The following ATP13A1 variants were observed in gnomAD, a reference collection of about 807,000 sequenced individuals.
The protein encoded by ATP13A1 is endoplasmic reticulum transmembrane helix translocase.
In ATP13A1, 55 loss-of-function variants were observed where a neutral mutation model predicts 134.8. The ratio of observed to expected loss-of-function variants is 0.41; its 90% CI spans 0.33 to 0.51. ATP13A1 has a LOEUF of 0.51. ATP13A1 is among the 20% of genes least tolerant of loss of function. ATP13A1 has a pLI of 0.29. For missense variants in ATP13A1, 1,389 were observed against 1,652.8 expected (o/e 0.84, Z 2.77); for synonymous variants, 775 against 725.1 (o/e 1.07, Z -1.10).
rs1189720255 is a variant in ATP13A1, at chr19:19,653,657, C to G, written c.2100+127G>C. The G allele has an allele frequency of 1.1e-6, 1 of 884,806 alleles. No homozygotes were observed. Among genetic ancestry groups the G allele is most frequent in the East Asian group, 2.6e-5 (1 of 37,820 alleles). 54.8% of individuals were successfully genotyped at this position (884,806 alleles called of 1,614,324 possible). ...CATTTGGAGTCTCCAAAGGTAGAAG[C>G]TGGAGGCGGGGCAAGGAGGACAAAA... On this transcript the variant is annotated intron_variant, in intron 15 of 25. Transcript: ENST00000357324. The surrounding 1 kb of genome is among the most constrained non-coding windows in gnomAD (Gnocchi z 4.2).
chr19:19,646,449 T>C, intron 22 of ATP13A1, 102 bp from the exon 23 acceptor site: 2 of 1,382,674 alleles, frequency 1.4e-6, no homozygotes, highest in African/African-American at 1.4e-5. Context: ...GGAGACCTTG[T>C]GTACAGCCAC....
In ATP13A1 at chr19:19,649,827, C is replaced by A. The variant is rs1484121654; in HGVS notation, c.2449G>T (p.Ala817Ser). Residue 817 changes from alanine (A) to serine (S), a missense_variant, in exon 18 of 26, where the codon GCC becomes TCC. Physicochemically the swap from Ala to Ser is moderately conservative, Grantham distance 99. Transcript: ENST00000357324. ...YALCLTGDGL[A>S]HLQATDPQQL... ...TGGGGGTCGGTGGCCTGCAGGTGGGCCAAGCCGTCGCCTGTGAGGCACAGT... is the reference window on the plus strand; with the variant it reads ...TGGGGGTCGGTGGCCTGCAGGTGGGACAAGCCGTCGCCTGTGAGGCACAGT... The A allele has an allele frequency of 1.2e-6, 2 of 1,602,378 alleles. No homozygotes were observed. Among genetic ancestry groups the A allele is most frequent in the African/African-American group, 1.3e-5 (1 of 74,806 alleles).
At position 19,655,660 on chromosome 19, in the gene ATP13A1, G is replaced by A. The variant is rs765981363; in HGVS notation, c.1270-6C>T. 4 of 1,611,610 alleles carry A rather than the reference G, an allele frequency of 2.5e-6. No individual in the cohort carries two copies. Among genetic ancestry groups the A allele is most frequent in the African/African-American group, 2.7e-5 (2 of 74,902 alleles). On this transcript the variant is annotated splice_region_variant and splice_polypyrimidine_tract_variant and intron_variant, in intron 9 of 25. Transcript: ENST00000357324. This position sits in a 1 kb window ranked among gnomAD's most constrained non-coding sequence, Gnocchi z 5.7. ...ATGGTGCGCAGCAGCTTGCCCTGGA[G>A]GAATGGAGGAACAGCCTTTCTGCTG... is the stretch of plus-strand genomic sequence containing the variant.
chr19:19,646,819 T>C (rs1169237344), intron 22 of ATP13A1: 2 of 445,884 alleles, frequency 4.5e-6, no homozygotes, highest in Non-Finnish European at 8.1e-6. Context: ...GCCTGTCCTG[T>C]GTAGCCTATG....
At chr19:19,657,747 G>A (rs1024928643) in intron 3 of ATP13A1, among the ~76,000 whole-genome samples, 2 of 152,224 alleles carry the variant, frequency 1.3e-5, no homozygotes, top group African/African-American at 4.8e-5. Context: ...ACAGCAAGTA[G>A]AGAAGGAACC....
Position 19,654,048 on chromosome 19 carries a change from G to A in ATP13A1, c.1910C>T (p.Ala637Val). The change falls in exon 14 of 26, where the codon GCC (alanine) becomes GTC (valine). Residue 637 changes from alanine to valine, a missense_variant. Transcript: ENST00000357324. ...GGTGGAGCCCAGCTTCTCATACGAG[G>A]CAAGCACGGACATTCGCTTCAGGGC... ...ASALKRMSVL[A>V]SYEKLGSTDL... The A allele has an allele frequency of 1.3e-6, 2 of 1,597,164 alleles. No individual in the cohort carries two copies. Among genetic ancestry groups the A allele is most frequent in the Middle Eastern group, 1.7e-4 (1 of 5,992 alleles).
chr19:19,652,790 T>C, intron 15 of ATP13A1, 70 bp from the exon 16 acceptor site: 1 of 1,450,574 alleles, frequency 6.9e-7, no homozygotes, highest in Non-Finnish European at 9.2e-7. Flanking sequence ...TCCTGAGCTC[T>C]GACCATGCGC....
At chr19:19,652,853 G>A in intron 15 of ATP13A1, 133 bp from the exon 16 acceptor site, 2 of 1,266,262 alleles carry the variant, frequency 1.6e-6, no homozygotes, top group Non-Finnish European at 2.1e-6. Flanking sequence ...GCACATGCGA[G>A]GGTTGGGAGG....
At chr19:19,657,234 G>C in intron 4 of ATP13A1, 85 bp from the exon 5 acceptor site, 1 of 1,488,706 alleles carries the variant, frequency 6.7e-7, no homozygotes, top group Non-Finnish European at 9.0e-7. Flanking sequence ...ATATGTGAGG[G>C]TGGGGAGAGG....
chr19:19,659,981 C>A lies in ATP13A1; in HGVS notation c.403G>T (p.Asp135Tyr), dbSNP rs200481862. 1.3e-6 allele frequency: 2 copies of A among 1,568,350 alleles called. No individual in the cohort carries two copies. The highest frequency in any genetic ancestry group is 2.3e-5 in the South Asian group (2 of 85,120). Residue 135 changes from aspartate (D) to tyrosine (Y), a missense_variant, in exon 2 of 26, where the codon GAC (aspartate) becomes TAC (tyrosine). Physicochemically the swap from Asp to Tyr is radical, Grantham distance 160 (BLOSUM62 -3). Coordinates refer to ENST00000357324, the MANE Select transcript of ATP13A1 (RefSeq NM_020410.3). ...TTCACAAAGGTCGCTTTGCTGGGGTCGTACTCCTGACAGAGACAAAGAAAG... is the reference window on the plus strand; with the variant it reads ...TTCACAAAGGTCGCTTTGCTGGGGTAGTACTCCTGACAGAGACAAAGAAAG... ...HCALTCTPEY[D>Y]PSKATFVKVV...
At chr19:19,651,410 T>C (rs752754689) in intron 17 of ATP13A1, 5 of 312,224 alleles carry the variant, frequency 1.6e-5, no homozygotes, top group South Asian at 1.5e-4. Flanking sequence ...GTAGGAGCAG[T>C]ATCTGCCCAT....
intron 2 of ATP13A1, 40 bp downstream of exon 2, chr19:19,659,858 C>T: frequency 6.3e-7 from 1 of 1,591,622 alleles, no homozygotes; most frequent in Non-Finnish European, 8.6e-7. Flanking sequence ...GGGAATCCTA[C>T]TCAAGCCCCT....
chr19:19,654,537 C>T lies in ATP13A1; in HGVS notation c.1813+6G>A, dbSNP rs747009159. 1 of 1,600,068 alleles carries T rather than the reference C, an allele frequency of 6.2e-7. No individual in the cohort carries two copies. Among genetic ancestry groups the T allele is most frequent in the Non-Finnish European group, 8.5e-7 (1 of 1,173,494 alleles). On this transcript the variant is annotated splice_donor_region_variant and intron_variant, in intron 13 of 25. Coordinates refer to ENST00000357324, the MANE Select transcript of ATP13A1 (RefSeq NM_020410.3). ...CCTTGCTGGGCCTGAGGCCCCAGCC[C>T]CTCACCTTTGGTCAGCGTCCAGTCC...
chr19:19,658,293 T>C (rs2062072746), intron 3 of ATP13A1, among the ~76,000 whole-genome samples: 1 of 152,030 alleles, frequency 6.6e-6, no homozygotes, highest in Non-Finnish European at 1.5e-5. Context: ...GCCCTTTAAC[T>C]GCATGGACGT....
At chr19:19,651,837 G>A (rs773023450) in intron 16 of ATP13A1, 40 bp from the exon 17 acceptor site, 1 of 1,519,396 alleles carries the variant, frequency 6.6e-7, no homozygotes, top group South Asian at 1.1e-5. Flanking sequence ...TGGCACCCTG[G>A]GGCCAAGCTC....
rs750895008 is a variant in ATP13A1 at position 19,654,607 on chromosome 19, G to A, written c.1749C>T (p.Gly583=). Residue 583 remains glycine, a synonymous_variant, in exon 13 of 26, where the codon GGC becomes GGT. Transcript: ENST00000357324. ...SCHSLMQLDD[G]TLVGDPLEKA... is the part of the protein sequence containing the mutation. Reference sequence around the variant, plus strand: ...TCTCTAGAGGGTCACCCACGAGGGTGCCGTCGTCCAGCTGCATGAGCGAGT... The same window carrying A: ...TCTCTAGAGGGTCACCCACGAGGGTACCGTCGTCCAGCTGCATGAGCGAGT... 6 of 1,613,418 alleles carry A rather than the reference G, an allele frequency of 3.7e-6. No homozygotes were observed. The highest frequency in any genetic ancestry group is 5.1e-6 in the Non-Finnish European group (6 of 1,179,864).
Position 19,656,118 on chromosome 19 carries a change from G to A in ATP13A1, c.1149C>T (p.Val383=). The A allele has an allele frequency of 6.2e-7, 1 of 1,613,768 alleles. No individual in the cohort carries two copies. Residue 383 remains valine, a synonymous_variant, in exon 8 of 26, where the codon GTC becomes GTT. Transcript: ENST00000357324. This position sits in a 1 kb window ranked among gnomAD's most constrained non-coding sequence, Gnocchi z 4.6. ...LDLQADSRLH[V]IFGGTKVVQH... is the part of the protein sequence containing the mutation. Reference sequence around the variant, plus strand: ...GCACCACCTTGGTGCCCCCGAAGATGACGTGCAGCCGGGAATCAGCCTGGA... The same window carrying A: ...GCACCACCTTGGTGCCCCCGAAGATAACGTGCAGCCGGGAATCAGCCTGGA...
rs147926936 is a variant in ATP13A1, at chr19:19,656,684, C to T, written c.1059G>A (p.Thr353=). 103 of 1,613,680 alleles carry T rather than the reference C, an allele frequency of 6.4e-5. No individual in the cohort carries two copies. The Middle Eastern group carries it at 8.2e-4, about 13-fold the overall frequency. ...CCTTCATCTGTGGCACGGACTCCCCCGTGAGCATGGCCTCGTCTACGATGC... is the reference window on the plus strand; with the variant it reads ...CCTTCATCTGTGGCACGGACTCCCCTGTGAGCATGGCCTCGTCTACGATGC... ...GRCIVDEAML[T]GESVPQMKEP... The change falls in exon 7 of 26, where the codon ACG becomes ACA. Residue 353 remains threonine (T), a synonymous_variant. Coordinates refer to ENST00000357324, the MANE Select transcript of ATP13A1 (RefSeq NM_020410.3). The surrounding 1 kb of genome is among the most constrained non-coding windows in gnomAD (Gnocchi z 4.6).
rs939042874 is a variant in ATP13A1 at position 19,645,268 on chromosome 19, A to T, written c.*154T>A. On this transcript the variant is annotated 3_prime_UTR_variant, in exon 26 of 26. Coordinates refer to ENST00000357324, the MANE Select transcript of ATP13A1 (RefSeq NM_020410.3). The surrounding 1 kb of genome is among the most constrained non-coding windows in gnomAD (Gnocchi z 4.1). Reference sequence around the variant, plus strand: ...TGGGGCTGGTTCTGCTGGCCAAGCCAGCGGATGGCTGTGGGGGTCCCAGCT... The same window carrying T: ...TGGGGCTGGTTCTGCTGGCCAAGCCTGCGGATGGCTGTGGGGGTCCCAGCT... The T allele has an allele frequency of 2.6e-5, 21 of 800,922 alleles. No individual in the cohort carries two copies. Among genetic ancestry groups the T allele is most frequent in the Non-Finnish European group, 3.9e-5 (20 of 509,426 alleles). The allele number at this position is 800,922 out of a possible 1,614,324, so 49.6% of individuals were successfully genotyped here.
Sources: gnomAD v4.1 joint callset for allele counts (sites outside exome capture counted in the v4.1 genomes callset) on GRCh38, gnomAD v4.1.1 for gene constraint, Gnocchi (gnomAD v3.1) non-coding constraint, MANE v1.5 for transcripts, NCBI Gene and HGNC (gene_info 2026-07-23, HGNC 2026-07-21) for gene names.